The following ERC2 variants were observed in gnomAD, a reference collection of about 807,000 sequenced individuals.
The protein encoded by ERC2 is ELKS/RAB6-interacting/CAST family member 2, also known as ERC protein 2.
A neutral mutation model predicts 114.8 loss-of-function variants in ERC2; 42 were observed. The ratio of observed to expected loss-of-function variants is 0.37; its 90% CI spans 0.29 to 0.47. The LOEUF is 0.47. Ranked by LOEUF, ERC2 falls within the 20% of genes least tolerant of loss-of-function variation. The pLI, the probability that ERC2 is intolerant of heterozygous loss-of-function variation, is 0.99. For missense variants in ERC2, 939 were observed against 1,150.7 expected (o/e 0.82, Z 2.66); for synonymous variants, 454 against 425.5 (o/e 1.07, Z -0.82).
chr3:55,796,618 G>T (rs976828813), intron 14 of ERC2, among the ~76,000 whole-genome samples: 1 of 152,126 alleles, frequency 6.6e-6, no homozygotes, highest in African/African-American at 2.4e-5. Flanking sequence ...TAGAGATGGG[G>T]TTTCACCATG....
chr3:56,215,977 G>C (rs1490867636), intron 3 of ERC2, among the ~76,000 whole-genome samples: 5 of 151,992 alleles, frequency 3.3e-5, no homozygotes, highest in Non-Finnish European at 7.4e-5. Flanking sequence ...CAGAATCTCT[G>C]GGACACATTT....
chr3:55,769,220 G>A (rs1220854669), intron 14 of ERC2, among the ~76,000 whole-genome samples: 1 of 152,128 alleles, frequency 6.6e-6, no homozygotes, highest in Non-Finnish European at 1.5e-5. Context: ...TAACATTAAA[G>A]AAGTCTGTCT....
intron 1 of ERC2, among the ~76,000 whole-genome samples, chr3:56,467,836 A>G (rs1382905093): frequency 1.3e-5 from 2 of 150,724 alleles, no homozygotes; most frequent in Admixed American, 6.6e-5. Flanking sequence ...ATTGCTCAAG[A>G]CCCCCGACCC....
chr3:56,090,320 G>A (rs543512927), intron 6 of ERC2, among the ~76,000 whole-genome samples: 1 of 152,200 alleles, frequency 6.6e-6, no homozygotes, highest in South Asian at 2.1e-4. Context: ...TTTCTCTCCT[G>A]TCTGTAGTTA....
chr3:55,955,679 G>T (rs9311591), intron 12 of ERC2, among the ~76,000 whole-genome samples: 110,936 of 152,170 alleles, frequency 0.73, 40,655 homozygotes, highest in Admixed American at 0.79. Context: ...CTTTTACTGT[G>T]AAGAATAAAG....
At chr3:56,418,269 C>G (rs2061247537) in intron 2 of ERC2, among the ~76,000 whole-genome samples, 1 of 146,608 alleles carries the variant, frequency 6.8e-6, no homozygotes, top group Non-Finnish European at 1.5e-5. Flanking sequence ...GCACCCCAGC[C>G]TGGGTGATGG....
chr3:56,057,530 T>A (rs895340927), intron 7 of ERC2, among the ~76,000 whole-genome samples: 1 of 152,192 alleles, frequency 6.6e-6, no homozygotes, highest in East Asian at 1.9e-4. Flanking sequence ...AGCTGCATGG[T>A]TCTTTCGCCT....
chr3:55,900,252 A>G (rs2064062886), intron 13 of ERC2, among the ~76,000 whole-genome samples: 1 of 152,200 alleles, frequency 6.6e-6, no homozygotes, highest in South Asian at 2.1e-4. Context: ...TTGGAAGTCC[A>G]ATATGTTCAT....
At chr3:55,555,045 T>C (rs762267101) in intron 17 of ERC2, among the ~76,000 whole-genome samples, 4 of 151,986 alleles carry the variant, frequency 2.6e-5, no homozygotes, top group Non-Finnish European at 5.9e-5. Context: ...CCCAGCCACC[T>C]TGGGGAAGTC....
At chr3:56,375,383 G>GT (rs1227558246) in intron 2 of ERC2, among the ~76,000 whole-genome samples, 1 of 152,168 alleles carries the variant, frequency 6.6e-6, no homozygotes, top group Non-Finnish European at 1.5e-5. Flanking sequence ...AGGCAAACAG[G>GT]GTAGGCCCAG....
chr3:55,552,059 A>G (rs1447949622), intron 17 of ERC2, among the ~76,000 whole-genome samples: 1 of 152,188 alleles, frequency 6.6e-6, no homozygotes, highest in Non-Finnish European at 1.5e-5. Context: ...AGGCATGCCC[A>G]TAGAACCCCG....
intron 3 of ERC2, among the ~76,000 whole-genome samples, chr3:56,210,305 C>T (rs1402513394): frequency 1.3e-5 from 2 of 152,124 alleles, no homozygotes; most frequent in Non-Finnish European, 2.9e-5. Context: ...AAGAAGGGAA[C>T]AGGCCAAAAA....
chr3:56,126,360 C>T (rs79076309), intron 6 of ERC2, among the ~76,000 whole-genome samples: 1 of 152,120 alleles, frequency 6.6e-6, no homozygotes, highest in Non-Finnish European at 1.5e-5. Flanking sequence ...ACCATGTGAT[C>T]ATTTAAATAG....
chr3:55,800,453 T>G (rs540213070), intron 14 of ERC2, among the ~76,000 whole-genome samples: 1 of 152,230 alleles, frequency 6.6e-6, no homozygotes, highest in Admixed American at 6.5e-5. Context: ...GAAGTTATGT[T>G]TTAAGTCACC....
chr3:55,543,353 G>A (rs1226549160), intron 17 of ERC2, among the ~76,000 whole-genome samples: 1 of 152,212 alleles, frequency 6.6e-6, no homozygotes, highest in Non-Finnish European at 1.5e-5. Flanking sequence ...ATAAAGAATG[G>A]AAATGTTTCG....
chr3:56,287,662 T>C (rs1282789007), intron 3 of ERC2, among the ~76,000 whole-genome samples: 1 of 152,196 alleles, frequency 6.6e-6, no homozygotes, highest in Non-Finnish European at 1.5e-5. Context: ...AAGACCAGAA[T>C]CCTAGTCTGT....
chr3:56,202,329 G>A (rs1181932469), intron 3 of ERC2, among the ~76,000 whole-genome samples: 1 of 152,088 alleles, frequency 6.6e-6, no homozygotes, highest in Non-Finnish European at 1.5e-5. Context: ...TTTATAAATA[G>A]CTATAAAGGT....
At chr3:55,810,566 G>A (rs1270828202) in intron 14 of ERC2, among the ~76,000 whole-genome samples, 4 of 151,872 alleles carry the variant, frequency 2.6e-5, no homozygotes, top group East Asian at 3.9e-4. Flanking sequence ...AGGTTCAAGC[G>A]ATTTTCCTGC....
At chr3:56,418,436 C>A (rs188418242) in intron 2 of ERC2, among the ~76,000 whole-genome samples, 204 of 152,286 alleles carry the variant, frequency 1.3e-3, no homozygotes, top group African/African-American at 4.8e-3. Flanking sequence ...ACAGTCAATC[C>A]TGACACTGGA....
Sources: gnomAD v4.1 joint callset for allele counts (sites outside exome capture counted in the v4.1 genomes callset) on GRCh38, gnomAD v4.1.1 for gene constraint, MANE v1.5 for transcripts, NCBI Gene and HGNC (gene_info 2026-07-23, HGNC 2026-07-21) for gene names.